Variants in ABCA12 observed in about 807,000 individuals in gnomAD.
ABCA12 encodes ATP binding cassette subfamily A member 12.
ABCA12 carries 156 observed loss-of-function variants against 293.5 expected under a neutral mutation model. The observed-to-expected ratio is 0.53, with a 90% CI of 0.47 to 0.61. The LOEUF (loss-of-function observed/expected upper bound fraction) is 0.61, where lower values mean the gene tolerates loss of function less well. Among genes scored for constraint, ABCA12 ranks in the 20% least tolerant of loss-of-function variants. ABCA12 has a pLI of 0.00. For missense variants in ABCA12, 2,797 were observed against 3,090.2 expected, an observed-to-expected ratio of 0.91 and a Z score of 2.25; for synonymous variants, 1,063 against 1,108.0, an observed-to-expected ratio of 0.96 and a Z score of 0.81.
chr2:215,117,359 T>C lies in ABCA12; in HGVS notation c.70-5669A>G, dbSNP rs75050201. 2.0e-3 allele frequency among the ~76,000 whole-genome samples: 298 copies of C among 152,304 alleles called. 2 individuals are homozygous for C. The highest frequency in any genetic ancestry group is 6.9e-3 in the African/African-American group (287 of 41,562). On this transcript the variant is annotated intron_variant, in intron 1 of 52. Transcript: ENST00000272895. ...AATGCCAGGGCACATTTCAGTGACC[T>C]TGTAGTCACTAAGTCATCAACTCAA...
At position 214,953,894 on chromosome 2, in the gene ABCA12, A is replaced by AG; in HGVS notation, c.6606dup (p.Arg2204AlafsTer20). On this transcript the variant is annotated frameshift_variant, in exon 44 of 53. Transcript: ENST00000272895. LOFTEE classifies it high-confidence loss of function. ...AGGGATTCGTTGATTAAGAGTCGCA[A>AG]GGAAAAAAACATGGTGCCCTGAGAA... The AG allele has an allele frequency of 6.2e-7, 1 of 1,614,046 alleles. No individual in the cohort carries two copies. Among genetic ancestry groups the AG allele is most frequent in the Non-Finnish European group, 8.5e-7 (1 of 1,179,968 alleles).
At chr2:214,974,575 C>T (rs1699466833) in intron 35 of ABCA12, among the ~76,000 whole-genome samples, 1 of 152,028 alleles carries the variant, frequency 6.6e-6, no homozygotes, top group East Asian at 1.9e-4. Flanking sequence ...TTGTACAAAT[C>T]ATAAGACATC....
At position 214,974,758 on chromosome 2, in the gene ABCA12, G is replaced by T. The variant is rs1437334306; in HGVS notation, c.5468+20C>A. 1 of 1,612,252 alleles carries T rather than the reference G, an allele frequency of 6.2e-7. No individual in the cohort carries two copies. The highest frequency in any genetic ancestry group is 8.5e-7 in the Non-Finnish European group (1 of 1,178,488). The stretch of plus-strand genomic sequence containing the variant: ...ACTGGAATGCTGAAAACAAAAAATA[G>T]AAGAGCAAGAACCACTTACAGATCA... On this transcript the variant is annotated intron_variant, in intron 35 of 52. Coordinates refer to ENST00000272895, the MANE Select transcript of ABCA12 (RefSeq NM_173076.3).
Position 215,049,669 on chromosome 2 carries a change from A to G in ABCA12, c.650T>C (p.Leu217Pro), listed in dbSNP as rs1235016916. The G allele has an allele frequency of 1.5e-5, 24 of 1,613,424 alleles. No homozygotes were observed. Among genetic ancestry groups the G allele is most frequent in the Non-Finnish European group, 1.8e-5 (21 of 1,179,678 alleles). The change falls in exon 6 of 53, where the codon CTT (leucine) becomes CCT (proline). Residue 217 changes from leucine (L) to proline (P), a missense_variant. By Grantham distance (98) the Leu-to-Pro change is moderately conservative (BLOSUM62 -3). Transcript: ENST00000272895. ...FNKFCLSNMT[L>P]LESSLQELNK... ...TAGTTCTTGGAGAGAAGACTCTAAAAGGGTCATGTTAGAAAGGCAAAATTT... is the reference window on the plus strand; with the variant it reads ...TAGTTCTTGGAGAGAAGACTCTAAAGGGGTCATGTTAGAAAGGCAAAATTT...
At chr2:214,995,538 T>TTC (rs1328963012) in intron 23 of ABCA12, among the ~76,000 whole-genome samples, 1 of 152,164 alleles carries the variant, frequency 6.6e-6, no homozygotes, top group African/African-American at 2.4e-5. Flanking sequence ...TACCATTAAC[T>TTC]AGCTCCAAGG....
At chr2:215,079,390 C>A (rs1376378002) in intron 2 of ABCA12, among the ~76,000 whole-genome samples, 3 of 152,154 alleles carry the variant, frequency 2.0e-5, no homozygotes, top group African/African-American at 4.8e-5. Flanking sequence ...CCTTACTAAA[C>A]AGCCCGTGTT....
chr2:214,976,780 T>C (rs993744876), intron 33 of ABCA12, among the ~76,000 whole-genome samples: 1 of 152,138 alleles, frequency 6.6e-6, no homozygotes, highest in African/African-American at 2.4e-5. Flanking sequence ...AAAAATTCCA[T>C]GGCAGAGCAG....
intron 1 of ABCA12, among the ~76,000 whole-genome samples, chr2:215,119,034 G>A (rs1702745653): frequency 1.3e-5 from 2 of 151,832 alleles, no homozygotes; most frequent in South Asian, 2.1e-4. Context: ...AGAGTGGTAC[G>A]ATCTCGGCTC....
chr2:214,949,377 T>TATACAC (rs1021376185), intron 45 of ABCA12, among the ~76,000 whole-genome samples: 1 of 143,074 alleles, frequency 7.0e-6, no homozygotes, highest in African/African-American at 2.7e-5. Flanking sequence ...TATATATATA[T>TATACAC]ACACACACAC....
At chr2:214,937,212 T>G (rs778328579) in intron 51 of ABCA12, among the ~76,000 whole-genome samples, 92 of 151,752 alleles carry the variant, frequency 6.1e-4, no homozygotes, top group Non-Finnish European at 1.0e-3. Context: ...TTTGTTTTTG[T>G]TTTTTAGACA....
At chr2:214,934,386 A>G (rs1252191439) in intron 51 of ABCA12, among the ~76,000 whole-genome samples, 171 bp from the exon 52 acceptor site, 2 of 152,232 alleles carry the variant, frequency 1.3e-5, no homozygotes, top group Non-Finnish European at 2.9e-5. Context: ...CAAAGATGAG[A>G]TGAAAGTTTT....
intron 1 of ABCA12, among the ~76,000 whole-genome samples, chr2:215,121,151 CT>C: frequency 6.6e-6 from 1 of 152,292 alleles, no homozygotes; most frequent in East Asian, 1.9e-4. Flanking sequence ...ACTAAATAAG[CT>C]TTTCTTCCAG....
At chr2:215,123,679 C>T (rs1338341900) in intron 1 of ABCA12, among the ~76,000 whole-genome samples, 2 of 152,212 alleles carry the variant, frequency 1.3e-5, no homozygotes, top group African/African-American at 4.8e-5. Flanking sequence ...AACTAATTTA[C>T]ATTCTCATCA....
intron 18 of ABCA12, 31 bp from the exon 19 acceptor site, chr2:215,007,877 T>C (rs375560221): frequency 3.7e-5 from 59 of 1,613,070 alleles, no homozygotes; most frequent in Non-Finnish European, 4.9e-5. Flanking sequence ...AGAAGTGTGA[T>C]CCATTAGTAT....
intron 51 of ABCA12, among the ~76,000 whole-genome samples, chr2:214,937,076 A>G (rs1282374013): frequency 1.3e-5 from 2 of 152,240 alleles, no homozygotes; most frequent in African/African-American, 4.8e-5. Context: ...CAATAAATTA[A>G]GATTAATAAT....
chr2:214,987,660 G>T lies in ABCA12; in HGVS notation c.3963C>A (p.Thr1321=). ...GACTTGTCTTACTGGCAGATGGGTT[G>T]GTGTTCTGCATCATGATGTTAGTAA... ...LMFTNIMMQN[T]NPSASPEYMF... is the part of the protein sequence containing the mutation. The change falls in exon 27 of 53, where the codon ACC becomes ACA. Residue 1321 remains threonine (T), a synonymous_variant. Coordinates refer to ENST00000272895, the MANE Select transcript of ABCA12 (RefSeq NM_173076.3). 6.2e-7 allele frequency: 1 copy of T among 1,613,482 alleles called. No homozygotes were observed. The highest frequency in any genetic ancestry group is 8.5e-7 in the Non-Finnish European group (1 of 1,179,588).
At chr2:214,993,181 C>T (rs543442073) in intron 23 of ABCA12, among the ~76,000 whole-genome samples, 2 of 152,244 alleles carry the variant, frequency 1.3e-5, no homozygotes, top group African/African-American at 2.4e-5. Flanking sequence ...CTGTGACTTT[C>T]CCTCTTAACT....
intron 11 of ABCA12, 43 bp downstream of exon 11, chr2:215,025,630 T>TTTTTTTTTTTTTTTG: frequency 5.6e-3 from 1 of 178 alleles, no homozygotes; most frequent in Non-Finnish European, 0.011. Flanking sequence ...GTCTTTTTGT[T>TTTTTTTTTTTTTTTG]TTTTTTTTTG....
chr2:215,068,965 T>C (rs1701685221), intron 2 of ABCA12, among the ~76,000 whole-genome samples: 2 of 152,214 alleles, frequency 1.3e-5, no homozygotes. Context: ...CTACTTCCAT[T>C]TGAAATCATT....
Sources: allele counts gnomAD v4.1 joint callset (sites outside exome capture counted in the v4.1 genomes callset), GRCh38; gene constraint gnomAD v4.1.1; transcripts MANE v1.5; gene names NCBI Gene and HGNC (gene_info 2026-07-23, HGNC 2026-07-21).